The following TIPIN variants were observed in gnomAD, a reference collection of about 807,000 sequenced individuals.
The protein encoded by TIPIN is TIMELESS-interacting protein.
TIPIN carries 29 observed loss-of-function variants against 35.6 expected under a neutral mutation model. The observed-to-expected ratio is 0.82, with a 90% CI of 0.61 to 1.11. The LOEUF (loss-of-function observed/expected upper bound fraction) is 1.11. Ranked by LOEUF, TIPIN falls within the 50% of genes most tolerant of loss-of-function variation. The pLI is 0.00. For synonymous variants in TIPIN, 102 were observed against 121.5 expected (o/e 0.84, Z 1.06); for missense variants, 296 against 345.4 (o/e 0.86, Z 1.13).
intron 2 of TIPIN, 88 bp downstream of exon 2, chr15:66,352,727 C>T (rs1338120604): frequency 4.4e-5 from 61 of 1,388,344 alleles, no homozygotes; most frequent in Middle Eastern, 2.7e-4. Flanking sequence ...GTGATCCGCC[C>T]GCCTCAGCAT....
intron 1 of TIPIN, among the ~76,000 whole-genome samples, chr15:66,376,127 CT>C (rs34662346): frequency 0.057 from 8,581 of 151,868 alleles, 344 homozygotes; most frequent in Middle Eastern, 0.11. Flanking sequence ...CAAATATATC[CT>C]TTTTTTTGTT....
chr15:66,353,341 G>A (rs2093181166), intron 1 of TIPIN, among the ~76,000 whole-genome samples: 1 of 152,098 alleles, frequency 6.6e-6, no homozygotes, highest in Non-Finnish European at 1.5e-5. Context: ...ATCTGGGCTG[G>A]GCGCGGTGGC....
At position 66,336,778 on chromosome 15, in the gene TIPIN, A is replaced by C; in HGVS notation, c.*180T>G. 1.7e-6 allele frequency: 1 copy of C among 576,710 alleles called. No homozygotes were observed. Among genetic ancestry groups the C allele is most frequent in the Non-Finnish European group, 3.0e-6 (1 of 330,622 alleles). The allele number at this position is 576,710 out of a possible 1,614,324, so 35.7% of individuals were successfully genotyped here. ...TATAAAAACAAACACTAAAGAGAAC[A>C]AATAGATTTAACTAAAGTGACAAGC... On this transcript the variant is annotated 3_prime_UTR_variant, in exon 8 of 8. Transcript: ENST00000261881.
At chr15:66,339,193 A>G (rs993916602) in intron 7 of TIPIN, among the ~76,000 whole-genome samples, 4 of 151,952 alleles carry the variant, frequency 2.6e-5, no homozygotes, top group Non-Finnish European at 5.9e-5. Flanking sequence ...TAACTGAAAA[A>G]AAAAGTAGCC....
intron 1 of TIPIN, chr15:66,379,360 T>C: frequency 1.9e-6 from 3 of 1,596,976 alleles, no homozygotes; most frequent in East Asian, 2.2e-5. Flanking sequence ...TGCTGAACAG[T>C]TCCTTTTTCA....
intron 1 of TIPIN, among the ~76,000 whole-genome samples, chr15:66,386,053 G>A (rs1183461621): frequency 1.3e-5 from 2 of 152,192 alleles, no homozygotes; most frequent in East Asian, 3.8e-4. Context: ...ACAGGCGTGA[G>A]CCACCGCTCC....
At chr15:66,365,299 C>T (rs75869884) in intron 1 of TIPIN, among the ~76,000 whole-genome samples, 1 of 152,098 alleles carries the variant, frequency 6.6e-6, no homozygotes, top group South Asian at 2.1e-4. Flanking sequence ...ATACATAATA[C>T]ATAATACATT....
At chr15:66,350,538 G>A (rs971113464) in intron 4 of TIPIN, among the ~76,000 whole-genome samples, 2 of 151,694 alleles carry the variant, frequency 1.3e-5, no homozygotes, top group African/African-American at 4.8e-5. Context: ...CCAAGCGGCG[G>A]AGGTTGCAGT....
At chr15:66,363,601 C>G (rs1478131188) in intron 1 of TIPIN, among the ~76,000 whole-genome samples, 1 of 150,362 alleles carries the variant, frequency 6.7e-6, no homozygotes, top group African/African-American at 2.4e-5. Context: ...GAGATCGCGC[C>G]ACTGCACACC....
In TIPIN at chr15:66,385,820, T is replaced by C. The variant is rs574039964; in HGVS notation, c.-9+787A>G. On this transcript the variant is annotated intron_variant, in intron 1 of 7. Transcript: ENST00000562124. ...AGTTTTTTTAAAGGGAGTCTTGCTC[T>C]GTAGCCCTGGCTGGTGTGCAGTGGT... Among the ~76,000 whole-genome samples, 235 of 152,068 alleles carry C rather than the reference T, an allele frequency of 1.5e-3. 1 individual carries two copies. The highest frequency in any genetic ancestry group is 5.4e-3 in the African/African-American group (224 of 41,454).
chr15:66,349,494 T>A, intron 4 of TIPIN, 57 bp from the exon 5 acceptor site: 1 of 1,566,572 alleles, frequency 6.4e-7, no homozygotes, highest in South Asian at 1.2e-5. Context: ...GCTGACCCCG[T>A]CAGCAACTTT....
At position 66,352,113 on chromosome 15, in the gene TIPIN, A is replaced by G; in HGVS notation, c.212+16T>C. ...AAAATAAAAAGTATAAATGTATAAG[A>G]ATATAGTAAATGTACCTCTGAGCAT... is the stretch of plus-strand genomic sequence containing the variant. On this transcript the variant is annotated intron_variant, in intron 3 of 7. Transcript: ENST00000261881. 3 of 1,556,606 alleles carry G rather than the reference A, an allele frequency of 1.9e-6. No homozygotes were observed. The highest frequency in any genetic ancestry group is 2.6e-6 in the Non-Finnish European group (3 of 1,139,698).
chr15:66,376,964 C>T (rs1262461636), intron 1 of TIPIN, among the ~76,000 whole-genome samples: 1 of 151,370 alleles, frequency 6.6e-6, no homozygotes, highest in Non-Finnish European at 1.5e-5. Context: ...AAAAATTAGC[C>T]AGGCATGGTG....
chr15:66,385,908 C>T (rs975298002), intron 1 of TIPIN, among the ~76,000 whole-genome samples: 1 of 152,120 alleles, frequency 6.6e-6, no homozygotes, highest in Non-Finnish European at 1.5e-5. Context: ...CCTCAGCCTC[C>T]TCAGTAGCTT....
chr15:66,341,506 C>T (rs1473312625), intron 6 of TIPIN, 150 bp from the exon 7 acceptor site: 6,304 of 7,688 alleles, frequency 0.82, 2,921 homozygotes, highest in Middle Eastern at 1. Context: ...CGGTGGCTCA[C>T]GCCTGTAATC....
intron 1 of TIPIN, among the ~76,000 whole-genome samples, chr15:66,366,597 C>CAAAAAAAAAAA (rs757848258): frequency 2.2e-5 from 2 of 92,196 alleles, no homozygotes; most frequent in Non-Finnish European, 2.0e-5. Flanking sequence ...ACTAAATATA[C>CAAAAAAAAAAA]AAAAAAAAAA....
chr15:66,385,632 G>T (rs1208912487), intron 1 of TIPIN, among the ~76,000 whole-genome samples: 1 of 151,952 alleles, frequency 6.6e-6, no homozygotes, highest in Non-Finnish European at 1.5e-5. Context: ...GGGATTACAG[G>T]CACCCGCCAC....
Position 66,352,834 on chromosome 15 carries a change from T to G in TIPIN, c.114A>C (p.Glu38Asp), listed in dbSNP as rs11538105. 2 of 1,612,866 alleles carry G rather than the reference T, an allele frequency of 1.2e-6. No individual in the cohort carries two copies. The highest frequency in any genetic ancestry group is 2.2e-5 in the South Asian group (2 of 91,004). The change falls in exon 2 of 8, where the codon GAA (glutamate) becomes GAC (aspartate). Residue 38 changes from glutamate (E) to aspartate (D), a missense_variant. Transcript: ENST00000261881. ...ACATACCTTCATCAGGCTCAGTTCC[T>G]TCACCATCTTGTCTCTCTGGAGAGG... Reference protein sequence around the residue: ...PPASPERQDGEGTEPDEESGN... With the variant: ...PPASPERQDGDGTEPDEESGN...
chr15:66,385,822 T>C (rs893035076), intron 1 of TIPIN, among the ~76,000 whole-genome samples: 12 of 150,682 alleles, frequency 8.0e-5, no homozygotes, highest in African/African-American at 2.9e-4. Flanking sequence ...TCTTGCTCTG[T>C]AGCCCTGGCT....
Sources: gnomAD v4.1 joint callset for allele counts (sites outside exome capture counted in the v4.1 genomes callset) on GRCh38, gnomAD v4.1.1 for gene constraint, MANE v1.5 for transcripts, NCBI Gene and HGNC (gene_info 2026-07-23, HGNC 2026-07-21) for gene names.